The following GUCY1A2 variants were observed in gnomAD, a reference collection of about 807,000 sequenced individuals.
GUCY1A2 encodes the protein guanylate cyclase 1 soluble subunit alpha 2.
Under a neutral mutation model 63.5 loss-of-function variants are expected in GUCY1A2, and 27 were observed. The ratio of observed to expected loss-of-function variants is 0.43; its 90% CI spans 0.31 to 0.59. The LOEUF (loss-of-function observed/expected upper bound fraction) is 0.59. Ranked by LOEUF, GUCY1A2 falls within the 20% of genes least tolerant of loss-of-function variation. GUCY1A2 has a pLI of 0.11. For missense variants in GUCY1A2, 768 were observed against 913.3 expected (o/e 0.84, Z 2.05); for synonymous variants, 364 against 343.5 (o/e 1.06, Z -0.66).
At chr11:106,710,179 TTA>T (rs1204668872) in intron 6 of GUCY1A2, among the ~76,000 whole-genome samples, 464 of 21,080 alleles carry the variant, frequency 0.022, 67 homozygotes, top group African/African-American at 0.12. Context: ...TATAATATAG[TTA>T]TATATATAAT....
At position 106,953,238 on chromosome 11, in the gene GUCY1A2, G is replaced by A. The variant is rs142761831; in HGVS notation, c.488-13060C>T. Reference sequence around the variant, plus strand: ...TTATTGAGAGTTAACATGAAGCGATGTTCAATTTTATCAAAGGCCTTTTCT... The same window carrying A: ...TTATTGAGAGTTAACATGAAGCGATATTCAATTTTATCAAAGGCCTTTTCT... On this transcript the variant is annotated intron_variant, in intron 3 of 7. Transcript: ENST00000526355. Among the ~76,000 whole-genome samples, 35 of 152,288 alleles carry A rather than the reference G, an allele frequency of 2.3e-4. 1 individual carries two copies. In the East Asian group the frequency reaches 6.8e-3, roughly 29 times the overall value.
intron 2 of GUCY1A2, 62 bp from the exon 3 acceptor site, chr11:106,978,802 A>C: frequency 1.3e-5 from 15 of 1,134,950 alleles, no homozygotes; most frequent in Non-Finnish European, 1.9e-5. Flanking sequence ...AATGCAACTC[A>C]TATACACACG....
intron 3 of GUCY1A2, among the ~76,000 whole-genome samples, chr11:106,968,295 T>C (rs550415597): frequency 2.6e-5 from 4 of 152,320 alleles, no homozygotes; most frequent in African/African-American, 4.8e-5. Context: ...TACTGTACAA[T>C]CACTTGTGGA....
intron 4 of GUCY1A2, among the ~76,000 whole-genome samples, chr11:106,880,402 G>C (rs1160377795): frequency 6.6e-6 from 1 of 151,870 alleles, no homozygotes; most frequent in Non-Finnish European, 1.5e-5. Context: ...AAACTGTAGT[G>C]GTTCTCCTGT....
intron 1 of GUCY1A2, among the ~76,000 whole-genome samples, chr11:106,998,795 A>T (rs1048364045): frequency 8.0e-6 from 1 of 125,268 alleles, no homozygotes; most frequent in Non-Finnish European, 1.7e-5. Flanking sequence ...GTAATAGTTC[A>T]TTAAAAAAAA....
At chr11:106,731,615 A>G (rs1005494634) in intron 6 of GUCY1A2, among the ~76,000 whole-genome samples, 3 of 152,140 alleles carry the variant, frequency 2.0e-5, no homozygotes, top group African/African-American at 7.2e-5. Context: ...TTCAGACAAT[A>G]TGATTCTATA....
chr11:106,806,371 T>C (rs969300661), intron 5 of GUCY1A2, among the ~76,000 whole-genome samples: 6 of 152,140 alleles, frequency 3.9e-5, no homozygotes, highest in Non-Finnish European at 7.4e-5. Context: ...GTATTTAAAA[T>C]AGCACTGGAA....
At chr11:106,833,465 A>G (rs1859077722) in intron 4 of GUCY1A2, among the ~76,000 whole-genome samples, 1 of 152,122 alleles carries the variant, frequency 6.6e-6, no homozygotes, top group South Asian at 2.1e-4. Flanking sequence ...ATCTAATATT[A>G]CAACAACTTT....
At chr11:106,692,701 A>C (rs1417581898) in intron 7 of GUCY1A2, among the ~76,000 whole-genome samples, 1 of 152,224 alleles carries the variant, frequency 6.6e-6, no homozygotes, top group Non-Finnish European at 1.5e-5. Flanking sequence ...ACAGGTAATC[A>C]TTAAGTGCCT....
Position 106,950,733 on chromosome 11 carries a change from C to A in GUCY1A2, c.488-10555G>T, listed in dbSNP as rs193004877. Among the ~76,000 whole-genome samples the A allele has an allele frequency of 1.0e-3, 157 of 152,304 alleles. 1 individual carries two copies. The highest frequency in any genetic ancestry group is 3.5e-3 in the African/African-American group (147 of 41,560). ...CGATCCTCGGAGGGCTTACTCAGAG[C>A]TGTTAATCAATGCCAATGCCTCTTT... On this transcript the variant is annotated intron_variant, in intron 3 of 7. Coordinates refer to ENST00000526355, the MANE Select transcript of GUCY1A2 (RefSeq NM_000855.3).
chr11:107,016,620 G>C (rs2120226097), intron 1 of GUCY1A2, among the ~76,000 whole-genome samples: 1 of 152,320 alleles, frequency 6.6e-6, no homozygotes, highest in East Asian at 1.9e-4. Flanking sequence ...TTTAGGAAGG[G>C]CCTAATATAA....
rs145806405 is a variant in GUCY1A2 at position 106,961,075 on chromosome 11, T to G, written c.487+17544A>C. On this transcript the variant is annotated intron_variant, in intron 3 of 7. Transcript: ENST00000526355. ...AGAACCATTCCCTGTGCTCATTTTT[T>G]ATAATGCACCAACAAGAATCACATC... 2.3e-4 allele frequency among the ~76,000 whole-genome samples: 35 copies of G among 152,220 alleles called. No individual in the cohort carries two copies. The East Asian group carries it at 5.6e-3, about 24-fold the overall frequency.
intron 6 of GUCY1A2, among the ~76,000 whole-genome samples, chr11:106,752,088 A>C (rs910720277): frequency 6.6e-6 from 1 of 152,230 alleles, no homozygotes; most frequent in Non-Finnish European, 1.5e-5. Context: ...ATTGTGACAA[A>C]GTTATCAGTT....
intron 5 of GUCY1A2, among the ~76,000 whole-genome samples, chr11:106,807,851 C>G (rs1315862231): frequency 1.3e-5 from 2 of 152,174 alleles, no homozygotes; most frequent in African/African-American, 2.4e-5. Flanking sequence ...GTGCTGGATG[C>G]TTCCTGCCCT....
chr11:106,942,216 T>C (rs1356298508), intron 3 of GUCY1A2, among the ~76,000 whole-genome samples: 4 of 152,168 alleles, frequency 2.6e-5, no homozygotes, highest in South Asian at 4.1e-4. Context: ...CTGTTTTTCC[T>C]TTAATTTGAC....
intron 4 of GUCY1A2, among the ~76,000 whole-genome samples, chr11:106,832,016 G>A (rs752060064): frequency 3.9e-5 from 6 of 151,946 alleles, no homozygotes; most frequent in Admixed American, 2.6e-4. Context: ...CCATTTTTAG[G>A]TTCTATGCCA....
At chr11:106,746,333 G>T (rs1863787080) in intron 6 of GUCY1A2, among the ~76,000 whole-genome samples, 1 of 151,902 alleles carries the variant, frequency 6.6e-6, no homozygotes, top group Admixed American at 6.6e-5. Flanking sequence ...TACTTTATAG[G>T]GTTTCTGTGA....
At chr11:106,964,622 T>A (rs886805553) in intron 3 of GUCY1A2, among the ~76,000 whole-genome samples, 1 of 152,164 alleles carries the variant, frequency 6.6e-6, no homozygotes, top group African/African-American at 2.4e-5. Context: ...ATACCCAGAA[T>A]AAATATTGTC....
chr11:106,862,123 C>A (rs1275821443), intron 4 of GUCY1A2, among the ~76,000 whole-genome samples: 2 of 152,000 alleles, frequency 1.3e-5, no homozygotes, highest in Non-Finnish European at 2.9e-5. Flanking sequence ...CTGCCCACCC[C>A]ACTAATAGGT....
Sources: allele counts gnomAD v4.1 joint callset (sites outside exome capture counted in the v4.1 genomes callset), GRCh38; gene constraint gnomAD v4.1.1; transcripts MANE v1.5; gene names NCBI Gene and HGNC (gene_info 2026-07-23, HGNC 2026-07-21).